UGT1A8: variants seen among roughly 807,000 people sequenced by gnomAD.
UGT1A8 encodes the protein UDP-glucuronosyltransferase 1A8.
Under a neutral mutation model 45.3 loss-of-function variants are expected in UGT1A8, and 39 were observed. The observed-to-expected ratio is 0.86, with a 90% CI of 0.67 to 1.12. The LOEUF is 1.12. UGT1A8 is among the 50% of genes most tolerant of loss of function. The pLI is 0.00. For synonymous variants in UGT1A8, 275 were observed against 249.2 expected, an observed-to-expected ratio of 1.10 and a Z score of -0.97; for missense variants, 719 against 664.9, an observed-to-expected ratio of 1.08 and a Z score of -0.90.
intron 4 of UGT1A8, 35 bp downstream of exon 4, chr2:233,768,474 T>C (rs1361024311): frequency 6.3e-7 from 1 of 1,597,622 alleles, no homozygotes; most frequent in Non-Finnish European, 8.5e-7. Flanking sequence ...ACTTTGGTCA[T>C]GGCATTCATG....
chr2:233,760,133 A>G, intron 1 of UGT1A8: 6 of 1,369,658 alleles, frequency 4.4e-6, no homozygotes, highest in East Asian at 2.5e-5. Context: ...CACCTTCTTT[A>G]TCTCTGAAAG....
At chr2:233,725,001 G>C (rs1276972399) in intron 1 of UGT1A8, among the ~76,000 whole-genome samples, 3 of 134,004 alleles carry the variant, frequency 2.2e-5, no homozygotes, top group African/African-American at 3.7e-5. Flanking sequence ...GCTGGAGACC[G>C]GCCCGGCCAA....
At chr2:233,630,729 A>C (rs1397724585) in intron 1 of UGT1A8, among the ~76,000 whole-genome samples, 2 of 151,564 alleles carry the variant, frequency 1.3e-5, no homozygotes, top group African/African-American at 2.4e-5. Context: ...TTTTTATTTT[A>C]ATTTTTATTT....
At chr2:233,691,048 A>G in intron 1 of UGT1A8, 6 of 988,428 alleles carry the variant, frequency 6.1e-6, no homozygotes, top group Non-Finnish European at 7.2e-6. Flanking sequence ...TCCACAGCAG[A>G]GTGGAGGTCT....
chr2:233,734,458 A>G lies in UGT1A8; in HGVS notation c.856-32576A>G, dbSNP rs561790564. On this transcript the variant is annotated intron_variant, in intron 1 of 4. Coordinates refer to ENST00000373450, the MANE Select transcript of UGT1A8 (RefSeq NM_019076.5). ...TGCCAGAGGTCTATCAATTTTCAAAATCCATCTCCTGGATTCATTGATTTT... is the reference window on the plus strand; with the variant it reads ...TGCCAGAGGTCTATCAATTTTCAAAGTCCATCTCCTGGATTCATTGATTTT... 1.5e-3 allele frequency among the ~76,000 whole-genome samples: 233 copies of G among 152,160 alleles called. 2 individuals carry two copies. The highest frequency in any genetic ancestry group is 5.3e-3 in the African/African-American group (218 of 41,522).
At chr2:233,693,986 G>A (rs1011287666) in intron 1 of UGT1A8, 45 of 1,542,954 alleles carry the variant, frequency 2.9e-5, no homozygotes, top group Non-Finnish European at 3.8e-5. Flanking sequence ...GTGGGGGGAA[G>A]TGATACCCGG....
At position 233,618,273 on chromosome 2, in the gene UGT1A8, A is replaced by G. The variant is rs1358600773; in HGVS notation, c.566A>G (p.Tyr189Cys). 1 of 1,613,850 alleles carries G rather than the reference A, an allele frequency of 6.2e-7. No individual in the cohort carries two copies. Among genetic ancestry groups the G allele is most frequent in the Admixed American group, 1.7e-5 (1 of 59,990 alleles). Residue 189 changes from tyrosine (Y) to cysteine (C), a missense_variant, in exon 1 of 5, where the codon TAT becomes TGT. By Grantham distance (194) the Tyr-to-Cys change is radical. Coordinates refer to ENST00000373450, the MANE Select transcript of UGT1A8 (RefSeq NM_019076.5). ...GCACAGTGCCCTGCTCCTCTTTCCT[A>G]TGTCCCCAGAATTCTCTTAGGGTTC... ...EGAQCPAPLS[Y>C]VPRILLGFSD...
intron 1 of UGT1A8, among the ~76,000 whole-genome samples, chr2:233,708,088 A>G (rs940204280): frequency 1.3e-5 from 2 of 152,196 alleles, no homozygotes; most frequent in African/African-American, 4.8e-5. Context: ...CTTTTATTCA[A>G]ACGAATTAGA....
chr2:233,717,700 C>T (rs781386473), intron 1 of UGT1A8: 1 of 445,996 alleles, frequency 2.2e-6, no homozygotes, highest in Non-Finnish European at 4.5e-6. Flanking sequence ...CTTTCTGGAG[C>T]AGGACGAGCC....
chr2:233,761,152 G>A lies in UGT1A8; in HGVS notation c.856-5882G>A, dbSNP rs587776764. On this transcript the variant is annotated intron_variant, in intron 1 of 4. Transcript: ENST00000373450. Reference sequence around the variant, plus strand: ...CCTTCACCAAAATCCACTATCCCAGGTGTGTATTGGAGTGGGACTTTTACA... The same window carrying A: ...CCTTCACCAAAATCCACTATCCCAGATGTGTATTGGAGTGGGACTTTTACA... The A allele has an allele frequency of 1.2e-6, 2 of 1,614,084 alleles. No individual in the cohort carries two copies. Among genetic ancestry groups the A allele is most frequent in the South Asian group, 2.2e-5 (2 of 91,086 alleles).
intron 1 of UGT1A8, among the ~76,000 whole-genome samples, chr2:233,644,487 G>A (rs191845660): frequency 1.8e-4 from 28 of 152,180 alleles, no homozygotes; most frequent in Non-Finnish European, 3.1e-4. Flanking sequence ...CTTGAACCTC[G>A]GAGGCAGAGG....
intron 1 of UGT1A8, among the ~76,000 whole-genome samples, chr2:233,726,904 T>A (rs554663359): frequency 7.2e-5 from 11 of 152,324 alleles, no homozygotes; most frequent in South Asian, 4.1e-4. Flanking sequence ...CATTCAATTA[T>A]CTCCTTTTTT....
intron 1 of UGT1A8, chr2:233,672,912 CAA>C: frequency 1.3e-6 from 2 of 1,503,828 alleles, no homozygotes; most frequent in East Asian, 4.5e-5. Flanking sequence ...TCCAGTTTAA[CAA>C]ATTATTTTGT....
chr2:233,669,500 A>G (rs961717479), intron 1 of UGT1A8, among the ~76,000 whole-genome samples: 9 of 152,158 alleles, frequency 5.9e-5, no homozygotes, highest in Admixed American at 2.6e-4. Flanking sequence ...TCAGTGTACA[A>G]TCTTTCACAT....
At position 233,747,852 on chromosome 2, in the gene UGT1A8, A is replaced by G. The variant is rs1025681492; in HGVS notation, c.856-19182A>G. The G allele has an allele frequency of 1.3e-5, 21 of 1,613,396 alleles. 1 individual carries two copies. The African/African-American group carries it at 1.9e-4, about 14-fold the overall frequency. On this transcript the variant is annotated intron_variant, in intron 1 of 4. Coordinates refer to ENST00000373450, the MANE Select transcript of UGT1A8 (RefSeq NM_019076.5). ...GACATTCCTGCAAAGGGTCAAGAAC[A>G]TGCTCTACCCTCTGGCCCTGTCCTA...
chr2:233,690,426 A>G, intron 1 of UGT1A8: 1 of 1,251,390 alleles, frequency 8.0e-7, no homozygotes, highest in South Asian at 1.3e-5. Context: ...CTTCATGCAC[A>G]TCTTTGGGTC....
chr2:233,730,084 A>C (rs962499834), intron 1 of UGT1A8: 1 of 1,601,106 alleles, frequency 6.2e-7, no homozygotes, highest in Admixed American at 1.7e-5. Context: ...ATATTTACTT[A>C]TCTTTCCAAA....
intron 1 of UGT1A8, among the ~76,000 whole-genome samples, chr2:233,739,589 C>T (rs894733553): frequency 6.6e-6 from 1 of 152,224 alleles, no homozygotes; most frequent in African/African-American, 2.4e-5. Flanking sequence ...TGCATGGGGC[C>T]TATAGCCCCT....
chr2:233,617,854 C>A lies in UGT1A8; in HGVS notation c.147C>A (p.Ile49=), dbSNP rs2072929794. The part of the protein sequence containing the change: ...FTMQSVVEKL[I]LRGHEVVVVM... ...TGCAGTCGGTGGTGGAGAAACTTAT[C>A]CTCAGGGGGCATGAGGTGGTTGTAG... Residue 49 remains isoleucine, a synonymous_variant, in exon 1 of 5, where the codon ATC becomes ATA. Transcript: ENST00000373450. The A allele has an allele frequency of 1.9e-6, 3 of 1,614,068 alleles. No individual in the cohort carries two copies. The highest frequency in any genetic ancestry group is 2.2e-5 in the East Asian group (1 of 44,866).
Sources: gnomAD v4.1 joint callset for allele counts (sites outside exome capture counted in the v4.1 genomes callset) on GRCh38, gnomAD v4.1.1 for gene constraint, MANE v1.5 for transcripts, NCBI Gene and HGNC (gene_info 2026-07-23, HGNC 2026-07-21) for gene names.